The following CDK5RAP2 variants were observed in gnomAD, a reference collection of about 807,000 sequenced individuals.
CDK5RAP2 encodes CDK5 regulatory subunit associated protein 2, also known as CDK5 regulatory subunit-associated protein 2.
A neutral mutation model predicts 232.9 loss-of-function variants in CDK5RAP2; 147 were observed. The ratio of observed to expected loss-of-function variants is 0.63; its 90% CI spans 0.55 to 0.72. The LOEUF is 0.72. CDK5RAP2 is among the 30% of genes least tolerant of loss of function. The pLI is 0.00. For missense variants in CDK5RAP2, 2,195 were observed against 2,231.5 expected, an observed-to-expected ratio of 0.98 and a Z score of 0.33; for synonymous variants, 833 against 833.7, an observed-to-expected ratio of 1.00 and a Z score of 0.01.
At chr9:120,390,146 C>T (rs948781786) in intron 36 of CDK5RAP2, 12 of 285,424 alleles carry the variant, frequency 4.2e-5, no homozygotes, top group South Asian at 8.3e-5. Flanking sequence ...AGGGCAATGG[C>T]GCAGGGAGGG....
chr9:120,470,249 G>A (rs767389982), intron 16 of CDK5RAP2, 29 bp from the exon 17 acceptor site: 6 of 1,057,962 alleles, frequency 5.7e-6, no homozygotes, highest in Non-Finnish European at 8.5e-6. Context: ...AAAAAGGTGG[G>A]GAGGGGGAGG....
intron 1 of CDK5RAP2, among the ~76,000 whole-genome samples, chr9:120,572,803 T>C (rs2042901202): frequency 6.6e-6 from 1 of 152,256 alleles, no homozygotes; most frequent in Admixed American, 6.5e-5. Context: ...GCAAGGTACC[T>C]TGTGGGTACT....
At chr9:120,538,993 A>G in intron 6 of CDK5RAP2, 48 bp downstream of exon 6, 2 of 1,601,644 alleles carry the variant, frequency 1.2e-6, no homozygotes, top group Non-Finnish European at 1.7e-6. Context: ...CCAGCCTATT[A>G]TTAACCCACT....
intron 1 of CDK5RAP2, among the ~76,000 whole-genome samples, chr9:120,576,561 G>A (rs1352571754): frequency 3.9e-5 from 6 of 152,122 alleles, no homozygotes; most frequent in African/African-American, 1.4e-4. Context: ...AATTAGCCGA[G>A]CATGGTGGCA....
At chr9:120,404,010 C>A (rs1169357247) in intron 33 of CDK5RAP2, 26 bp downstream of exon 33, 1 of 1,527,702 alleles carries the variant, frequency 6.5e-7, no homozygotes, top group African/African-American at 1.4e-5. Flanking sequence ...AATGCTCCCA[C>A]AGTTACCTGG....
chr9:120,410,182 G>T (rs1305291605), intron 29 of CDK5RAP2, among the ~76,000 whole-genome samples: 7 of 152,138 alleles, frequency 4.6e-5, no homozygotes, highest in African/African-American at 1.4e-4. Flanking sequence ...GCCAGTAGGT[G>T]GCAGAACCAG....
chr9:120,448,181 GCA>G, intron 21 of CDK5RAP2, 55 bp from the exon 22 acceptor site: 1 of 1,397,514 alleles, frequency 7.2e-7, no homozygotes, highest in Non-Finnish European at 1.0e-6. Context: ...TCCTTTGGTT[GCA>G]CAGTCAACAT....
At chr9:120,577,385 A>G (rs996079090) in intron 1 of CDK5RAP2, among the ~76,000 whole-genome samples, 2 of 151,024 alleles carry the variant, frequency 1.3e-5, no homozygotes, top group Non-Finnish European at 2.9e-5. Flanking sequence ...AAAATCATAG[A>G]GACAGAAAGT....
At chr9:120,430,419 AAAAC>A (rs1397876077) in intron 25 of CDK5RAP2, among the ~76,000 whole-genome samples, 3 of 150,488 alleles carry the variant, frequency 2.0e-5, no homozygotes, top group Non-Finnish European at 3.0e-5. Context: ...TTACAAGAAA[AAAAC>A]AAACAACCCC....
intron 12 of CDK5RAP2, among the ~76,000 whole-genome samples, chr9:120,515,544 A>G (rs2040295533): frequency 6.6e-6 from 1 of 152,252 alleles, no homozygotes; most frequent in Non-Finnish European, 1.5e-5. Context: ...AACACTGAAT[A>G]AAGATGAGAA....
At chr9:120,468,826 C>T (rs2037529987) in intron 17 of CDK5RAP2, among the ~76,000 whole-genome samples, 1 of 152,222 alleles carries the variant, frequency 6.6e-6, no homozygotes, top group African/African-American at 2.4e-5. Flanking sequence ...GCTTCAAATC[C>T]CAATGGCCAG....
chr9:120,473,375 G>A (rs1313104690), intron 15 of CDK5RAP2, among the ~76,000 whole-genome samples: 1 of 152,136 alleles, frequency 6.6e-6, no homozygotes, highest in Non-Finnish European at 1.5e-5. Context: ...TAGGGAGAGG[G>A]CCTATAAGCT....
intron 12 of CDK5RAP2, among the ~76,000 whole-genome samples, chr9:120,496,553 G>C (rs2039259293): frequency 6.6e-6 from 1 of 151,140 alleles, no homozygotes; most frequent in Middle Eastern, 3.2e-3. Context: ...CCGTCCGGGA[G>C]GGAGGTGGGG....
intron 24 of CDK5RAP2, among the ~76,000 whole-genome samples, chr9:120,437,955 C>A (rs1554743269): frequency 1.3e-5 from 2 of 152,184 alleles, no homozygotes; most frequent in Non-Finnish European, 2.9e-5. Flanking sequence ...CAAAACGTCA[C>A]TGAATAATCA....
intron 4 of CDK5RAP2, among the ~76,000 whole-genome samples, chr9:120,546,662 C>T (rs1184174125): frequency 6.6e-6 from 1 of 152,152 alleles, no homozygotes; most frequent in South Asian, 2.1e-4. Flanking sequence ...CAGAGTCTTG[C>T]TCTGCTGTTG....
At chr9:120,512,020 G>C (rs1213143867) in intron 12 of CDK5RAP2, among the ~76,000 whole-genome samples, 1 of 152,078 alleles carries the variant, frequency 6.6e-6, no homozygotes, top group African/African-American at 2.4e-5. Context: ...TTACAGGCGT[G>C]AGCCACCGCG....
intron 21 of CDK5RAP2, among the ~76,000 whole-genome samples, chr9:120,452,690 T>C (rs1334929378): frequency 2.7e-5 from 4 of 150,568 alleles, no homozygotes; most frequent in Non-Finnish European, 4.4e-5. Flanking sequence ...TGATAGGATG[T>C]GCAGAGCTTA....
chr9:120,422,880 A>T (rs764543010), intron 25 of CDK5RAP2, 139 bp from the exon 26 acceptor site: 2 of 704,942 alleles, frequency 2.8e-6, no homozygotes, highest in Non-Finnish European at 5.1e-6. Context: ...TATTTAAAGT[A>T]GGATTACCAA....
At chr9:120,557,201 T>C (rs1588649013) in intron 3 of CDK5RAP2, among the ~76,000 whole-genome samples, 2 of 152,350 alleles carry the variant, frequency 1.3e-5, no homozygotes, top group East Asian at 1.9e-4. Context: ...TTTTCCACCA[T>C]GGCCAGTTCA....
Sources: gnomAD v4.1 joint callset for allele counts (sites outside exome capture counted in the v4.1 genomes callset) on GRCh38, gnomAD v4.1.1 for gene constraint, MANE v1.5 for transcripts, NCBI Gene and HGNC (gene_info 2026-07-23, HGNC 2026-07-21) for gene names.